Variants in EXT1 observed in about 807,000 individuals in gnomAD.
EXT1 encodes the protein exostosin glycosyltransferase 1.
In EXT1, 20 loss-of-function variants were observed where a neutral mutation model predicts 82.5. The ratio of observed to expected loss-of-function variants is 0.24; its 90% confidence interval spans 0.17 to 0.35. The LOEUF is 0.35. Among genes scored for constraint, EXT1 ranks in the 10% least tolerant of loss-of-function variants. The probability of loss-of-function intolerance (pLI) is 1.00; values close to 1 mark genes in which losing one functional copy is unlikely to be tolerated. For missense variants in EXT1, 757 were observed against 936.5 expected, an observed-to-expected ratio of 0.81 and a Z score of 2.50; for synonymous variants, 348 against 350.8, an observed-to-expected ratio of 0.99 and a Z score of 0.09.
intron 1 of EXT1, among the ~76,000 whole-genome samples, chr8:117,904,156 G>A (rs556617978): frequency 6.6e-6 from 1 of 152,258 alleles, no homozygotes; most frequent in South Asian, 2.1e-4. Context: ...AAGGATAACT[G>A]GAAACGTGAG....
At chr8:117,875,232 C>T (rs539239360) in intron 1 of EXT1, among the ~76,000 whole-genome samples, 3 of 152,036 alleles carry the variant, frequency 2.0e-5, no homozygotes, top group Admixed American at 6.6e-5. Flanking sequence ...GCCTGACCAA[C>T]GTGCTGAAAC....
intron 1 of EXT1, among the ~76,000 whole-genome samples, chr8:117,859,880 C>T (rs953824686): frequency 2.6e-5 from 4 of 152,178 alleles, no homozygotes; most frequent in Non-Finnish European, 4.4e-5. Flanking sequence ...GGCACAGTGG[C>T]TCACGCCTGT....
intron 1 of EXT1, among the ~76,000 whole-genome samples, chr8:117,929,908 G>A (rs752830303): frequency 3.3e-5 from 5 of 152,190 alleles, no homozygotes; most frequent in Non-Finnish European, 7.3e-5. Context: ...AGGAGTTTGA[G>A]ACCACCCTGG....
Position 117,935,993 on chromosome 8 carries a change from G to A in EXT1, c.963-98792C>T, listed in dbSNP as rs554822172. 5.3e-5 allele frequency among the ~76,000 whole-genome samples: 8 copies of A among 152,294 alleles called. No homozygotes were observed. In the South Asian group the frequency reaches 1.7e-3, roughly 32 times the overall value. ...CTTTCATAAAATCTTGCCTTCATCT[G>A]TAGAAGGGTGTATGGTTGTTCCTCT... On this transcript the variant is annotated intron_variant, in intron 1 of 10. Coordinates refer to ENST00000378204, the MANE Select transcript of EXT1 (RefSeq NM_000127.3).
chr8:117,877,283 A>G (rs961575280), intron 1 of EXT1, among the ~76,000 whole-genome samples: 1 of 152,176 alleles, frequency 6.6e-6, no homozygotes, highest in Admixed American at 6.5e-5. Flanking sequence ...TAGGCTCTTC[A>G]TAGTTGGAGC....
intron 1 of EXT1, among the ~76,000 whole-genome samples, chr8:117,914,314 G>C (rs1813706033): frequency 6.6e-6 from 1 of 152,170 alleles, no homozygotes. Context: ...GTAAGCTGAG[G>C]ATGTACGTCA....
At chr8:117,945,661 C>A (rs763375258) in intron 1 of EXT1, among the ~76,000 whole-genome samples, 47 of 151,934 alleles carry the variant, frequency 3.1e-4, no homozygotes, top group Admixed American at 9.2e-4. Context: ...ACCACCATAC[C>A]CAGCTAATTT....
intron 1 of EXT1, among the ~76,000 whole-genome samples, chr8:117,899,218 G>C (rs554297728): frequency 4.5e-4 from 68 of 152,292 alleles, no homozygotes; most frequent in Non-Finnish European, 7.2e-4. Context: ...ACTGGCAGTA[G>C]TATATGTTGT....
At chr8:118,006,366 G>A in intron 1 of EXT1, among the ~76,000 whole-genome samples, 1 of 152,166 alleles carries the variant, frequency 6.6e-6, no homozygotes, top group East Asian at 1.9e-4. Context: ...GATCTCTGAG[G>A]TTTTTGAGTA....
intron 1 of EXT1, among the ~76,000 whole-genome samples, chr8:118,074,182 T>A (rs919767291): frequency 6.6e-6 from 1 of 152,018 alleles, no homozygotes; most frequent in African/African-American, 2.4e-5. Flanking sequence ...GGATGGGAGA[T>A]GATCTAAGCA....
At chr8:117,833,813 T>C (rs1487985413) in intron 3 of EXT1, among the ~76,000 whole-genome samples, 1 of 152,168 alleles carries the variant, frequency 6.6e-6, no homozygotes, top group Non-Finnish European at 1.5e-5. Context: ...TAAAATAACA[T>C]TTGAAAAAGG....
In EXT1 at chr8:118,087,745, T is replaced by C. The variant is rs148610259; in HGVS notation, c.962+22340A>G. On this transcript the variant is annotated intron_variant, in intron 1 of 10. Coordinates refer to ENST00000378204, the MANE Select transcript of EXT1 (RefSeq NM_000127.3). ...TGTAATTGGGAAGCATTTGTTCTTA[T>C]TGTTGTTACATATTAATGTACAAAG... 6.9e-3 allele frequency among the ~76,000 whole-genome samples: 1,055 copies of C among 152,312 alleles called. 9 individuals carry two copies. The highest frequency in any genetic ancestry group is 0.024 in the African/African-American group (981 of 41,562).
intron 8 of EXT1, among the ~76,000 whole-genome samples, chr8:117,809,352 C>T (rs10955833): frequency 3.3e-5 from 5 of 150,020 alleles, no homozygotes; most frequent in Non-Finnish European, 3.0e-5. Flanking sequence ...AACATCCACA[C>T]GGGGCCAGGC....
chr8:117,985,796 A>T (rs1815305266), intron 1 of EXT1, among the ~76,000 whole-genome samples: 1 of 152,244 alleles, frequency 6.6e-6, no homozygotes, highest in African/African-American at 2.4e-5. Flanking sequence ...TTAAGATAAT[A>T]TCAATTGTTA....
intron 1 of EXT1, among the ~76,000 whole-genome samples, chr8:117,962,824 G>T (rs1814730227): frequency 6.8e-6 from 1 of 148,130 alleles, no homozygotes. Flanking sequence ...TAATCTAGAG[G>T]CTGAGGCAGG....
At chr8:117,978,044 T>C (rs571250611) in intron 1 of EXT1, among the ~76,000 whole-genome samples, 1 of 152,356 alleles carries the variant, frequency 6.6e-6, no homozygotes, top group East Asian at 1.9e-4. Context: ...TAAAATCTTT[T>C]GAAAAGTATC....
chr8:117,818,765 C>T (rs569605798), intron 6 of EXT1, among the ~76,000 whole-genome samples: 97 of 152,208 alleles, frequency 6.4e-4, no homozygotes, highest in Non-Finnish European at 1.2e-3. Flanking sequence ...AACAAACAAA[C>T]AAACAAACAA....
intron 1 of EXT1, among the ~76,000 whole-genome samples, chr8:117,894,471 G>T (rs1586269285): frequency 6.6e-6 from 1 of 152,138 alleles, no homozygotes; most frequent in Non-Finnish European, 1.5e-5. Context: ...TCACAACGCT[G>T]TTATAATGAA....
At chr8:118,035,025 GACA>G (rs1368373343) in intron 1 of EXT1, among the ~76,000 whole-genome samples, 20 of 152,194 alleles carry the variant, frequency 1.3e-4, no homozygotes, top group African/African-American at 3.9e-4. Flanking sequence ...TGTGGTTTCT[GACA>G]ATATATTAAG....
Sources: allele counts gnomAD v4.1 joint callset (sites outside exome capture counted in the v4.1 genomes callset), GRCh38; gene constraint gnomAD v4.1.1; transcripts MANE v1.5; gene names NCBI Gene and HGNC (gene_info 2026-07-23, HGNC 2026-07-21).